Variants in CACNA1C observed in about 807,000 individuals in gnomAD.
CACNA1C encodes the protein voltage-dependent L-type calcium channel subunit alpha-1C.
CACNA1C carries 30 observed loss-of-function variants against 229.0 expected under a neutral mutation model. The observed-to-expected ratio is 0.13, with a 90% CI of 0.10 to 0.18. CACNA1C has a LOEUF of 0.18. Among genes scored for constraint, CACNA1C ranks in the 10% least tolerant of loss-of-function variants. The pLI, the probability that CACNA1C is intolerant of heterozygous loss-of-function variation, is 1.00. For missense variants in CACNA1C, 1,658 were observed against 2,845.0 expected, an observed-to-expected ratio of 0.58 and a Z score of 9.49; for synonymous variants, 1,114 against 1,132.5, an observed-to-expected ratio of 0.98 and a Z score of 0.33.
At chr12:2,085,418 A>G (rs182676111) in intron 1 of CACNA1C, among the ~76,000 whole-genome samples, 61 of 152,310 alleles carry the variant, frequency 4.0e-4, no homozygotes, top group Non-Finnish European at 7.8e-4. Context: ...AATTTTTCAA[A>G]GTAAATGCAC....
intron 1 of CACNA1C, chr12:1,991,700 T>C (rs2039469589): frequency 6.2e-6 from 1 of 160,258 alleles, no homozygotes; most frequent in East Asian, 1.8e-4. Context: ...GGTGTATGTT[T>C]ATTAGATCTA....
chr12:2,239,405 C>A (rs1243601803), intron 3 of CACNA1C, among the ~76,000 whole-genome samples: 1 of 152,082 alleles, frequency 6.6e-6, no homozygotes, highest in African/African-American at 2.4e-5. Context: ...GGAGACACAG[C>A]TGGGGCACTG....
intron 38 of CACNA1C, among the ~76,000 whole-genome samples, chr12:2,673,067 C>T (rs1259679647): frequency 6.6e-6 from 1 of 152,214 alleles, no homozygotes; most frequent in Admixed American, 6.5e-5. Context: ...GGCAGTCTGA[C>T]ACAAGAGCCC....
chr12:2,396,087 C>T (rs1033982294), intron 3 of CACNA1C, among the ~76,000 whole-genome samples: 129 of 152,214 alleles, frequency 8.5e-4, no homozygotes, highest in Middle Eastern at 3.4e-3. Flanking sequence ...TGAAACAGTT[C>T]AGCTGACCAG....
At chr12:2,564,573 C>A (rs1057483746) in intron 11 of CACNA1C, among the ~76,000 whole-genome samples, 9 of 152,282 alleles carry the variant, frequency 5.9e-5, no homozygotes, top group African/African-American at 2.2e-4. Context: ...GCTAAGCACC[C>A]CATTTTTCTC....
At chr12:2,244,272 G>A (rs1052417069) in intron 3 of CACNA1C, among the ~76,000 whole-genome samples, 2 of 152,208 alleles carry the variant, frequency 1.3e-5, no homozygotes, top group South Asian at 2.1e-4. Context: ...GTTGTGGGAC[G>A]TCAGCTGCCT....
chr12:2,004,085 G>A (rs1593481524), intron 1 of CACNA1C: 2 of 719,186 alleles, frequency 2.8e-6, no homozygotes, highest in East Asian at 5.6e-5. Flanking sequence ...CCAACTCCAG[G>A]TAGCTCCACA....
At chr12:1,972,296 C>T (rs2032629760) in intron 1 of CACNA1C, among the ~76,000 whole-genome samples, 1 of 152,188 alleles carries the variant, frequency 6.6e-6, no homozygotes, top group Non-Finnish European at 1.5e-5. Flanking sequence ...TGGAGAATAT[C>T]TAATCATATA....
intron 1 of CACNA1C, among the ~76,000 whole-genome samples, chr12:2,078,939 C>G (rs1404406577): frequency 6.6e-6 from 1 of 152,016 alleles, no homozygotes. Context: ...CCATGGAATA[C>G]TATGCAGCCA....
chr12:2,440,954 C>CT (rs1371849204), intron 3 of CACNA1C, among the ~76,000 whole-genome samples: 2 of 152,186 alleles, frequency 1.3e-5, no homozygotes, highest in Non-Finnish European at 2.9e-5. Flanking sequence ...GTAGTGAGAG[C>CT]TAAGAGGTTG....
At chr12:2,520,996 A>G (rs2099808670) in intron 9 of CACNA1C, among the ~76,000 whole-genome samples, 2 of 152,266 alleles carry the variant, frequency 1.3e-5, no homozygotes, top group Non-Finnish European at 2.9e-5. Context: ...CCATCAGCTA[A>G]TAAAGGCTCT....
At chr12:2,047,235 G>A (rs1276587566) in intron 1 of CACNA1C, among the ~76,000 whole-genome samples, 10 of 152,216 alleles carry the variant, frequency 6.6e-5, no homozygotes, top group Admixed American at 6.5e-4. Context: ...CTTTGGCAGG[G>A]CTGTGGTGAA....
At chr12:2,496,477 C>T (rs936995544) in intron 7 of CACNA1C, among the ~76,000 whole-genome samples, 6 of 152,132 alleles carry the variant, frequency 3.9e-5, no homozygotes, top group African/African-American at 2.4e-5. Context: ...ATCAAAGAAG[C>T]GATTGGTCAG....
At chr12:1,978,742 T>C (rs1004505036) in intron 1 of CACNA1C, among the ~76,000 whole-genome samples, 3 of 152,230 alleles carry the variant, frequency 2.0e-5, no homozygotes, top group Non-Finnish European at 4.4e-5. Flanking sequence ...AGATTAGTTT[T>C]GCCTGTTCTT....
At chr12:2,315,704 C>T (rs879718846) in intron 3 of CACNA1C, among the ~76,000 whole-genome samples, 4 of 152,144 alleles carry the variant, frequency 2.6e-5, no homozygotes, top group Admixed American at 1.3e-4. Flanking sequence ...ATTAATTGTA[C>T]GCACATTAAG....
intron 9 of CACNA1C, among the ~76,000 whole-genome samples, chr12:2,517,466 A>C (rs1386398469): frequency 6.6e-6 from 1 of 152,224 alleles, no homozygotes; most frequent in African/African-American, 2.4e-5. Context: ...TCTTGGAAAA[A>C]AGAGGACGTG....
At chr12:2,621,514 G>A (rs909024910) in intron 29 of CACNA1C, among the ~76,000 whole-genome samples, 13 of 152,120 alleles carry the variant, frequency 8.5e-5, no homozygotes, top group Non-Finnish European at 1.3e-4. Context: ...CTTGGAAACC[G>A]CAGGGATGGG....
chr12:2,163,928 C>T (rs957764865), intron 3 of CACNA1C, among the ~76,000 whole-genome samples: 16 of 152,184 alleles, frequency 1.1e-4, no homozygotes, highest in Admixed American at 9.8e-4. Context: ...TTCACGTTCC[C>T]GTGTGGAGTA....
intron 7 of CACNA1C, among the ~76,000 whole-genome samples, chr12:2,501,044 T>TAA (rs3058714): frequency 2.9e-5 from 4 of 139,794 alleles, no homozygotes; most frequent in South Asian, 2.3e-4. Flanking sequence ...GTCTCTACTT[T>TAA]AAAAAAAAAA....
Sources: gnomAD v4.1 joint callset for allele counts (sites outside exome capture counted in the v4.1 genomes callset) on GRCh38, gnomAD v4.1.1 for gene constraint, MANE v1.5 for transcripts, NCBI Gene and HGNC (gene_info 2026-07-23, HGNC 2026-07-21) for gene names.